KDM4B: variants seen among roughly 807,000 people sequenced by gnomAD.
KDM4B encodes lysine-specific demethylase 4B.
Under a neutral mutation model 125.2 loss-of-function variants are expected in KDM4B, and 32 were observed. The ratio of observed to expected loss-of-function variants is 0.26; its 90% CI spans 0.19 to 0.34. KDM4B has a LOEUF of 0.34. Among genes scored for constraint, KDM4B ranks in the 10% least tolerant of loss-of-function variants. KDM4B has a pLI of 1.00. For synonymous variants in KDM4B, 721 were observed against 677.9 expected (o/e 1.06, Z -0.99); for missense variants, 1,190 against 1,577.7 (o/e 0.75, Z 4.16).
At chr19:5,023,758 A>AT (rs148293792) in intron 2 of KDM4B, among the ~76,000 whole-genome samples, 66,590 of 89,444 alleles carry the variant, frequency 0.74, 25,356 homozygotes, top group Middle Eastern at 0.79. Flanking sequence ...GTCTTTTTGA[A>AT]TTTTTTTTTT....
At chr19:5,130,760 C>G (rs1002014941) in intron 11 of KDM4B, among the ~76,000 whole-genome samples, 5 of 152,224 alleles carry the variant, frequency 3.3e-5, no homozygotes, top group Admixed American at 2.0e-4. Context: ...TTTGGTGACG[C>G]GTCTCCTCAC....
chr19:5,035,507 T>C lies in KDM4B; in HGVS notation c.141+2476T>C, dbSNP rs2036589455. Among the ~76,000 whole-genome samples, 1 of 152,066 alleles carries C rather than the reference T, an allele frequency of 6.6e-6. No homozygotes were observed. Among genetic ancestry groups the C allele is most frequent in the Non-Finnish European group, 1.5e-5 (1 of 67,984 alleles). On this transcript the variant is annotated intron_variant, in intron 3 of 22. Coordinates refer to ENST00000159111, the MANE Select transcript of KDM4B (RefSeq NM_015015.3). This position sits in a 1 kb window ranked among gnomAD's most constrained non-coding sequence, Gnocchi z 5.3. ...CCACGTGGCGGCCTTGGGTGCAGCCTGGGTTCCCGGGTGGCCTGTCCTCCC... is the reference window on the plus strand; with the variant it reads ...CCACGTGGCGGCCTTGGGTGCAGCCCGGGTTCCCGGGTGGCCTGTCCTCCC...
Position 5,137,282 on chromosome 19 carries a change from G to A in KDM4B, c.2329G>A (p.Glu777Lys), listed in dbSNP as rs758538187. Residue 777 changes from glutamate to lysine, a missense_variant, in exon 16 of 23, where the codon GAG becomes AAG. By Grantham distance (56) the Glu-to-Lys change is moderately conservative. Transcript: ENST00000159111. The stretch of plus-strand genomic sequence containing the variant: ...TCCAGGTTGCTATGGCATCCGTCCC[G>A]AGCTGGTCAATGAAGGCTGGACGTG... ...VHASCYGIRP[E>K]LVNEGWTCSR... is the part of the protein sequence containing the mutation. The A allele has an allele frequency of 3.1e-5, 49 of 1,579,528 alleles. No homozygotes were observed. The highest frequency in any genetic ancestry group is 3.7e-5 in the Non-Finnish European group (43 of 1,163,040).
chr19:5,090,336 A>C (rs1049089459), intron 9 of KDM4B, among the ~76,000 whole-genome samples: 1 of 146,078 alleles, frequency 6.8e-6, no homozygotes, highest in Admixed American at 6.8e-5. Flanking sequence ...GAGCTGTCTC[A>C]GTGGTAACGT....
At chr19:5,055,629 C>T (rs890750460) in intron 6 of KDM4B, among the ~76,000 whole-genome samples, 7 of 151,934 alleles carry the variant, frequency 4.6e-5, no homozygotes, top group East Asian at 3.9e-4. Context: ...GCTGGGAGGG[C>T]GCCCCGCAGC....
intron 11 of KDM4B, among the ~76,000 whole-genome samples, chr19:5,122,963 G>A (rs1384604101): frequency 6.6e-6 from 1 of 152,236 alleles, no homozygotes; most frequent in Admixed American, 6.5e-5. Context: ...CCAGAGAAGT[G>A]GAGCATTTGC....
chr19:5,033,548 C>T (rs987638047), intron 3 of KDM4B, among the ~76,000 whole-genome samples: 1 of 151,962 alleles, frequency 6.6e-6, no homozygotes, highest in Non-Finnish European at 1.5e-5. Flanking sequence ...CTACTGCGCT[C>T]CTGCCCCGGC....
chr19:5,122,880 A>C (rs984785054), intron 11 of KDM4B, among the ~76,000 whole-genome samples: 36 of 152,252 alleles, frequency 2.4e-4, no homozygotes, highest in African/African-American at 8.2e-4. Context: ...AAGCCGGTGC[A>C]GCGGGCAGCC....
chr19:5,089,997 C>CA (rs2038636716), intron 9 of KDM4B, among the ~76,000 whole-genome samples: 1 of 152,134 alleles, frequency 6.6e-6, no homozygotes, highest in African/African-American at 2.4e-5. Context: ...AGTGAGACCC[C>CA]ATTCTCCACA....
At chr19:5,116,747 G>A (rs994687500) in intron 10 of KDM4B, among the ~76,000 whole-genome samples, 18 of 152,212 alleles carry the variant, frequency 1.2e-4, no homozygotes, top group Non-Finnish European at 8.8e-5. Context: ...CAGGGAATGC[G>A]GCCCGAGTTG....
At chr19:5,069,053 G>A (rs2037864711) in intron 6 of KDM4B, among the ~76,000 whole-genome samples, 1 of 152,112 alleles carries the variant, frequency 6.6e-6, no homozygotes, top group African/African-American at 2.4e-5. Flanking sequence ...CCACAAAGGT[G>A]CTTTGGATTG....
chr19:5,025,504 G>C (rs1454734252), intron 2 of KDM4B, among the ~76,000 whole-genome samples: 1 of 152,240 alleles, frequency 6.6e-6, no homozygotes, highest in Non-Finnish European at 1.5e-5. Context: ...ACTTCCCACA[G>C]CCAGAGAGAG....
At position 5,048,440 on chromosome 19, in the gene KDM4B, C is replaced by T. The variant is rs558413740; in HGVS notation, c.626+771C>T. Among the ~76,000 whole-genome samples, 513 of 152,326 alleles carry T rather than the reference C, an allele frequency of 3.4e-3. 2 individuals are homozygous for T. The highest frequency in any genetic ancestry group is 0.011 in the African/African-American group (477 of 41,586). ...CGCGGGGCTGCCCTGCACTGTCCTCCAAGGGCCGCTAGGTGGCGCTCCCGC... is the reference window on the plus strand; with the variant it reads ...CGCGGGGCTGCCCTGCACTGTCCTCTAAGGGCCGCTAGGTGGCGCTCCCGC... On this transcript the variant is annotated intron_variant, in intron 6 of 22. Coordinates refer to ENST00000159111, the MANE Select transcript of KDM4B (RefSeq NM_015015.3).
intron 9 of KDM4B, among the ~76,000 whole-genome samples, chr19:5,092,943 C>A (rs1389457819): frequency 6.6e-6 from 1 of 152,178 alleles, no homozygotes; most frequent in Non-Finnish European, 1.5e-5. Context: ...GCCCCTGTAC[C>A]CCTGACCACA....
In KDM4B at chr19:5,153,453, T is replaced by G. The variant is rs1453211828; in HGVS notation, c.*1942T>G. The G allele has an allele frequency of 2.6e-5, 4 of 152,210 alleles. No homozygotes were observed. The highest frequency in any genetic ancestry group is 2.6e-4 in the Admixed American group (4 of 15,288). The allele number at this position is 152,210 out of a possible 1,614,324, so 9.4% of individuals were successfully genotyped here. A position where few individuals can be genotyped will look rare whatever the true frequency, so the allele number is the denominator to read the frequency against. On this transcript the variant is annotated 3_prime_UTR_variant, in exon 23 of 23. Transcript: ENST00000159111. ...GCTGCACACTCTCCCCACGAAGGTA[T>G]CTCTGTGTCTTACTCTGTGCAAAGA...
intron 9 of KDM4B, among the ~76,000 whole-genome samples, chr19:5,106,518 C>A (rs1463303509): frequency 2.6e-5 from 4 of 152,184 alleles, no homozygotes; most frequent in Non-Finnish European, 5.9e-5. Context: ...GCTGACGCAC[C>A]CTCCTCCTCT....
chr19:5,145,014 G>C (rs2039817078), intron 21 of KDM4B, 112 bp downstream of exon 21: 4 of 1,433,550 alleles, frequency 2.8e-6, no homozygotes, highest in Non-Finnish European at 3.8e-6. Context: ...GGCACTGGCG[G>C]GTGTGGGCCA....
At position 5,108,137 on chromosome 19, in the gene KDM4B, G is replaced by A. The variant is rs911264685; in HGVS notation, c.919-2485G>A. Among the ~76,000 whole-genome samples, 6 of 152,356 alleles carry A rather than the reference G, an allele frequency of 3.9e-5. No homozygotes were observed. The East Asian group carries it at 1.2e-3, about 29-fold the overall frequency. ...TGCACTCCGTGGAGCGTGTCTGCCT[G>A]TCCCCCCTCCACGGGTGCACACAGG... On this transcript the variant is annotated intron_variant, in intron 9 of 22. Coordinates refer to ENST00000159111, the MANE Select transcript of KDM4B (RefSeq NM_015015.3).
chr19:5,111,286 C>T, intron 10 of KDM4B: 2 of 699,286 alleles, frequency 2.9e-6, no homozygotes, highest in South Asian at 3.2e-5. Flanking sequence ...AACGGGGCAT[C>T]AGGTGGGGCT....
Sources: allele counts gnomAD v4.1 joint callset (sites outside exome capture counted in the v4.1 genomes callset), GRCh38; gene constraint gnomAD v4.1.1; non-coding constraint Gnocchi (gnomAD v3.1); transcripts MANE v1.5; gene names NCBI Gene and HGNC (gene_info 2026-07-23, HGNC 2026-07-21).